The following DNAH3 variants were observed in gnomAD, a reference collection of about 807,000 sequenced individuals.
DNAH3 encodes the protein dynein axonemal heavy chain 3, also known as axonemal beta dynein heavy chain 3.
A neutral mutation model predicts 432.5 loss-of-function variants in DNAH3; 332 were observed. The observed-to-expected ratio is 0.77, with a 90% CI of 0.70 to 0.84. DNAH3 has a LOEUF of 0.84. Ranked by LOEUF, DNAH3 falls within the 40% of genes least tolerant of loss-of-function variation. DNAH3 has a pLI of 0.00. For missense variants in DNAH3, 4,861 were observed against 5,114.0 expected (o/e 0.95, Z 1.51); for synonymous variants, 1,956 against 1,900.2 (o/e 1.03, Z -0.76).
chr16:20,997,282 C>T lies in DNAH3; in HGVS notation c.6601+1G>A. 1 of 1,613,580 alleles carries T rather than the reference C, an allele frequency of 6.2e-7. No individual in the cohort carries two copies. Among genetic ancestry groups the T allele is most frequent in the Non-Finnish European group, 8.5e-7 (1 of 1,179,728 alleles). The stretch of plus-strand genomic sequence containing the variant: ...AGGAATGAGCTCTTCCCTTCACATA[C>T]CAGTAATGTCATTCCTTCCTCCCCC... On this transcript the variant is annotated splice_donor_variant, in intron 44 of 61. Coordinates refer to ENST00000261383, the Ensembl canonical transcript of DNAH3. LOFTEE classifies it high-confidence loss of function.
chr16:21,085,424 A>G (rs1421070940), intron 19 of DNAH3, among the ~76,000 whole-genome samples: 1 of 151,032 alleles, frequency 6.6e-6, no homozygotes, highest in Non-Finnish European at 1.5e-5. Flanking sequence ...CGTGCCTGCA[A>G]TCCCAGCTAC....
intron 33 of DNAH3, among the ~76,000 whole-genome samples, chr16:21,039,218 T>C (rs1191157962): frequency 1.7e-4 from 14 of 83,100 alleles, no homozygotes; most frequent in African/African-American, 5.5e-4. Context: ...GTGTTGCTTT[T>C]TTTTTTTTTT....
At chr16:21,119,406 C>T (rs2092283466) in intron 11 of DNAH3, among the ~76,000 whole-genome samples, 2 of 151,860 alleles carry the variant, frequency 1.3e-5, no homozygotes. Context: ...CAGAGGCAGG[C>T]AGATCGCTTG....
intron 1 of DNAH3, among the ~76,000 whole-genome samples, chr16:21,152,771 CCCA>C (rs1261841373): frequency 6.6e-6 from 1 of 152,246 alleles, no homozygotes; most frequent in Non-Finnish European, 1.5e-5. Flanking sequence ...TACTGGGTCC[CCCA>C]GCAGTGCTAG....
intron 18 of DNAH3, among the ~76,000 whole-genome samples, chr16:21,089,922 T>G (rs1479103426): frequency 6.6e-6 from 1 of 151,924 alleles, no homozygotes; most frequent in African/African-American, 2.4e-5. Flanking sequence ...AAAGATAAAC[T>G]TCTAGCAAGA....
intron 51 of DNAH3, among the ~76,000 whole-genome samples, chr16:20,971,253 C>G (rs2085330198): frequency 6.6e-6 from 1 of 151,616 alleles, no homozygotes; most frequent in African/African-American, 2.4e-5. Flanking sequence ...TATAAAGAAA[C>G]ACTAAAATTT....
intron 20 of DNAH3, among the ~76,000 whole-genome samples, chr16:21,078,024 C>T (rs961148269): frequency 3.9e-5 from 6 of 152,050 alleles, no homozygotes; most frequent in African/African-American, 1.4e-4. Context: ...TCCTGTAATC[C>T]CAGCACTTTG....
chr16:21,073,431 A>AT (rs2090864046), intron 21 of DNAH3, among the ~76,000 whole-genome samples: 1 of 152,116 alleles, frequency 6.6e-6, no homozygotes, highest in Admixed American at 6.6e-5. Flanking sequence ...TCTGAGACCC[A>AT]TGGTGGCTGG....
At chr16:21,078,178 G>A (rs2091043125) in intron 20 of DNAH3, among the ~76,000 whole-genome samples, 1 of 151,278 alleles carries the variant, frequency 6.6e-6, no homozygotes. Context: ...AGGAGGCTGA[G>A]GCAGGAAAAT....
At chr16:21,104,497 A>C in exon 16 of DNAH3, 1 of 1,613,962 alleles carries the variant, frequency 6.2e-7, no homozygotes, top group Non-Finnish European at 8.5e-7. Context: ...TTTCTGCCTG[A>C]TCCCTCTTGT....
chr16:21,116,771 T>C (rs1185091671), intron 12 of DNAH3, among the ~76,000 whole-genome samples: 2 of 152,174 alleles, frequency 1.3e-5, no homozygotes, highest in African/African-American at 4.8e-5. Context: ...GTAGCAAAAG[T>C]TGGCCTGAAC....
rs541562326 is a variant in DNAH3 at position 20,936,591 on chromosome 16, T to C, written c.11859+58A>G. The C allele has an allele frequency of 1.3e-4, 199 of 1,478,516 alleles. No homozygotes were observed. In the African/African-American group the frequency reaches 2.4e-3, roughly 18 times the overall value. The allele number at this position is 1,478,516 out of a possible 1,614,324, so 91.6% of individuals were successfully genotyped here. ...CTGCCTCTAGTCTGCCATTTCAGAA[T>C]GTCCTCTCCACCTAAGCAAGCATGC... is the stretch of plus-strand genomic sequence containing the variant. On this transcript the variant is annotated intron_variant, in intron 60 of 61. Coordinates refer to ENST00000261383, the Ensembl canonical transcript of DNAH3.
intron 57 of DNAH3, among the ~76,000 whole-genome samples, chr16:20,946,831 T>TG: frequency 7.0e-6 from 1 of 142,770 alleles, no homozygotes; most frequent in Non-Finnish European, 1.5e-5. Flanking sequence ...TTTTTTTTTT[T>TG]TTTTTTTTTT....
intron 27 of DNAH3, among the ~76,000 whole-genome samples, chr16:21,055,708 TTC>T (rs1224236563): frequency 6.6e-6 from 1 of 151,972 alleles, no homozygotes; most frequent in Non-Finnish European, 1.5e-5. Flanking sequence ...GATTTTATGC[TTC>T]TGAGTCTCAG....
rs2083543059 is a variant in DNAH3 at position 20,935,219 on chromosome 16, T to C, written c.11997+129A>G. The C allele has an allele frequency of 5.6e-6, 6 of 1,070,776 alleles. No homozygotes were observed. The Admixed American group carries it at 1.5e-4, about 27-fold the overall frequency. The allele number at this position is 1,070,776 out of a possible 1,614,324, so 66.3% of individuals were successfully genotyped here. A position where few individuals can be genotyped will look rare whatever the true frequency, so the allele number is the denominator to read the frequency against. The stretch of plus-strand genomic sequence containing the variant: ...TAGAGCTACTGTAAATTATGCTAAA[T>C]GCTTCATATGTACCATTTCAGAAGC... On this transcript the variant is annotated intron_variant, in intron 61 of 61. Coordinates refer to ENST00000261383, the Ensembl canonical transcript of DNAH3.
chr16:20,963,914 A>G, exon 53 of DNAH3: 1 of 1,614,194 alleles, frequency 6.2e-7, no homozygotes, highest in African/African-American at 1.3e-5. Flanking sequence ...TTTATGAACC[A>G]AGTCAGGGAG....
intron 51 of DNAH3, among the ~76,000 whole-genome samples, chr16:20,970,745 T>C (rs899786047): frequency 6.6e-6 from 1 of 152,064 alleles, no homozygotes; most frequent in Non-Finnish European, 1.5e-5. Flanking sequence ...AAGAAATAAT[T>C]GGAAAGAATT....
At chr16:21,108,765 T>G (rs1364461965) in intron 14 of DNAH3, among the ~76,000 whole-genome samples, 1 of 149,478 alleles carries the variant, frequency 6.7e-6, no homozygotes, top group East Asian at 2.0e-4. Flanking sequence ...AGTGTCCGAG[T>G]AGTGTGAAGG....
intron 31 of DNAH3, among the ~76,000 whole-genome samples, chr16:21,047,797 CT>C (rs879516540): frequency 1.3e-4 from 20 of 151,260 alleles, no homozygotes; most frequent in Non-Finnish European, 2.2e-4. Flanking sequence ...TTTTCCCCAT[CT>C]TTGTGGTTTT....
Sources: allele counts gnomAD v4.1 joint callset (sites outside exome capture counted in the v4.1 genomes callset), GRCh38; gene constraint gnomAD v4.1.1; transcripts MANE v1.5; gene names NCBI Gene and HGNC (gene_info 2026-07-23, HGNC 2026-07-21).